The following FAF1 variants were observed in gnomAD, a reference collection of about 807,000 sequenced individuals.
The protein encoded by FAF1 is Fas associated factor 1.
Under a neutral mutation model 92.5 loss-of-function variants are expected in FAF1, and 25 were observed. The observed-to-expected ratio is 0.27, with a 90% confidence interval of 0.20 to 0.38. The LOEUF is 0.38. Among genes scored for constraint, FAF1 ranks in the 10% least tolerant of loss-of-function variants. FAF1 has a pLI of 1.00. For synonymous variants in FAF1, 234 were observed against 273.2 expected (o/e 0.86, Z 1.42); for missense variants, 636 against 793.3 (o/e 0.80, Z 2.38).
At chr1:50,739,067 T>C (rs1423401613) in intron 5 of FAF1, 113 bp from the exon 6 acceptor site, 7 of 668,660 alleles carry the variant, frequency 1.0e-5, no homozygotes, top group Non-Finnish European at 1.5e-5. Context: ...TATCTTTTGA[T>C]AATTTCCTAA....
chr1:50,910,480 A>G (rs2124721104), intron 1 of FAF1, among the ~76,000 whole-genome samples: 1 of 152,286 alleles, frequency 6.6e-6, no homozygotes, highest in South Asian at 2.1e-4. Flanking sequence ...CCCTGCCCCT[A>G]GAGGTGGAGT....
intron 17 of FAF1, among the ~76,000 whole-genome samples, chr1:50,482,766 A>G (rs1646718222): frequency 1.3e-5 from 2 of 152,200 alleles, no homozygotes; most frequent in African/African-American, 2.4e-5. Flanking sequence ...AATTTTGAGC[A>G]TATTTTGATG....
intron 1 of FAF1, among the ~76,000 whole-genome samples, chr1:50,895,216 A>G (rs1383392128): frequency 1.3e-5 from 2 of 152,196 alleles, no homozygotes; most frequent in Non-Finnish European, 2.9e-5. Context: ...TCAAAGGATC[A>G]TTAGAGGCTA....
intron 7 of FAF1, among the ~76,000 whole-genome samples, chr1:50,689,460 T>C (rs1241845691): frequency 2.6e-5 from 4 of 152,150 alleles, no homozygotes; most frequent in Non-Finnish European, 5.9e-5. Context: ...GGCAGGCACC[T>C]GCGGTCCGGA....
chr1:50,585,163 C>T (rs978251273), intron 9 of FAF1, among the ~76,000 whole-genome samples: 2 of 152,140 alleles, frequency 1.3e-5, no homozygotes. Context: ...AGTTATGCGT[C>T]TCTCAAAAAG....
At chr1:50,927,197 G>T (rs952505777) in intron 1 of FAF1, among the ~76,000 whole-genome samples, 1 of 152,176 alleles carries the variant, frequency 6.6e-6, no homozygotes, top group Admixed American at 6.5e-5. Context: ...CAATGTGAGG[G>T]TACTTAATAC....
intron 15 of FAF1, among the ~76,000 whole-genome samples, chr1:50,494,085 C>A (rs1646872011): frequency 6.6e-6 from 1 of 152,204 alleles, no homozygotes; most frequent in Non-Finnish European, 1.5e-5. Flanking sequence ...GGGCATGTGG[C>A]TCAGGATGAA....
chr1:50,559,000 C>T (rs1035644327), intron 13 of FAF1, among the ~76,000 whole-genome samples: 3 of 152,158 alleles, frequency 2.0e-5, no homozygotes, highest in African/African-American at 7.2e-5. Flanking sequence ...CCTGTAATCC[C>T]AGCACTTTGA....
chr1:50,577,742 T>C lies in FAF1; in HGVS notation c.1113+4876A>G, dbSNP rs147798220. Among the ~76,000 whole-genome samples, 370 of 152,302 alleles carry C rather than the reference T, an allele frequency of 2.4e-3. 2 individuals are homozygous for C. Among genetic ancestry groups the C allele is most frequent in the Non-Finnish European group, 4.0e-3 (272 of 68,026 alleles). On this transcript the variant is annotated intron_variant, in intron 12 of 18. Coordinates refer to ENST00000396153, the MANE Select transcript of FAF1 (RefSeq NM_007051.3). ...TAAACATTTATAGCCCTCAACTGGA[T>C]GAGTGTCCTTCATAGTTAAGGGCAA...
intron 18 of FAF1, chr1:50,452,279 G>A (rs1646302910): frequency 1.7e-6 from 1 of 572,484 alleles, no homozygotes; most frequent in Non-Finnish European, 2.8e-6. Flanking sequence ...AGCATAAACT[G>A]GACACAGGCA....
At chr1:50,477,739 C>T (rs1315575992) in intron 17 of FAF1, among the ~76,000 whole-genome samples, 5 of 152,308 alleles carry the variant, frequency 3.3e-5, no homozygotes, top group Non-Finnish European at 5.9e-5. Flanking sequence ...TAATGCCTGG[C>T]CTTCTTACTA....
chr1:50,668,297 C>T (rs1001093179), intron 7 of FAF1, among the ~76,000 whole-genome samples: 1 of 152,132 alleles, frequency 6.6e-6, no homozygotes, highest in African/African-American at 2.4e-5. Flanking sequence ...AACTAACGCA[C>T]CAAAGACAAC....
intron 1 of FAF1, among the ~76,000 whole-genome samples, chr1:50,948,841 A>G (rs990260148): frequency 6.6e-6 from 1 of 152,018 alleles, no homozygotes. Flanking sequence ...CTCTTAAACA[A>G]TCAGATCTCA....
chr1:50,624,078 C>T (rs896708842), intron 8 of FAF1, among the ~76,000 whole-genome samples: 1 of 152,184 alleles, frequency 6.6e-6, no homozygotes, highest in East Asian at 1.9e-4. Context: ...GCTAGTGTTG[C>T]CACTAGAAAG....
At chr1:50,558,747 T>G (rs929491494) in intron 13 of FAF1, among the ~76,000 whole-genome samples, 1 of 152,226 alleles carries the variant, frequency 6.6e-6, no homozygotes, top group Non-Finnish European at 1.5e-5. Flanking sequence ...CTGAGTTAAA[T>G]GCATATTTCC....
rs1356617728 is a variant in FAF1 at position 50,624,599 on chromosome 1, A to G, written c.745-28383T>C. ...AGTTAATCTATATGAAAGGATTTTAAAACTGAAAAACAGAGGGCTTCAACA... is the reference window on the plus strand; with the variant it reads ...AGTTAATCTATATGAAAGGATTTTAGAACTGAAAAACAGAGGGCTTCAACA... On this transcript the variant is annotated intron_variant, in intron 8 of 18. Transcript: ENST00000396153. Among the ~76,000 whole-genome samples the G allele has an allele frequency of 8.5e-5, 13 of 152,264 alleles. No individual in the cohort carries two copies. In the East Asian group the frequency reaches 2.3e-3, roughly 27 times the overall value.
chr1:50,835,625 A>G (rs577225440), intron 2 of FAF1, among the ~76,000 whole-genome samples: 1 of 152,116 alleles, frequency 6.6e-6, no homozygotes, highest in East Asian at 1.9e-4. Flanking sequence ...CTATTTCCAA[A>G]TCTCTATTAT....
Position 50,498,031 on chromosome 1 carries a change from T to C in FAF1, c.1495-6230A>G, listed in dbSNP as rs191742513. Among the ~76,000 whole-genome samples the C allele has an allele frequency of 1.5e-3, 235 of 152,224 alleles. 2 individuals carry two copies. The highest frequency in any genetic ancestry group is 5.5e-3 in the African/African-American group (230 of 41,518). ...AAAACTTACTATAAAGCTACAGTAA[T>C]TGAAACCGTGGTAGTGGCATAATGA... On this transcript the variant is annotated intron_variant, in intron 15 of 18. Transcript: ENST00000396153.
At chr1:50,724,235 T>C in intron 6 of FAF1, among the ~76,000 whole-genome samples, 1 of 103,954 alleles carries the variant, frequency 9.6e-6, no homozygotes, top group African/African-American at 4.9e-5. Context: ...AAGACTGTCT[T>C]TCAAAAAAAA....
Sources: gnomAD v4.1 joint callset for allele counts (sites outside exome capture counted in the v4.1 genomes callset) on GRCh38, gnomAD v4.1.1 for gene constraint, MANE v1.5 for transcripts, NCBI Gene and HGNC (gene_info 2026-07-23, HGNC 2026-07-21) for gene names.